Variants in FOXP1 observed in about 807,000 individuals in gnomAD.
The protein encoded by FOXP1 is forkhead box protein P1.
FOXP1 carries 15 observed loss-of-function variants against 98.2 expected under a neutral mutation model. The ratio of observed to expected loss-of-function variants is 0.15; its 90% confidence interval spans 0.10 to 0.24. The LOEUF is 0.24. Ranked by LOEUF, FOXP1 falls within the 10% of genes least tolerant of loss-of-function variation. The pLI, the probability that FOXP1 is intolerant of heterozygous loss-of-function variation, is 1.00. For synonymous variants in FOXP1, 371 were observed against 314.5 expected, an observed-to-expected ratio of 1.18 and a Z score of -1.90; for missense variants, 633 against 848.5, an observed-to-expected ratio of 0.75 and a Z score of 3.15.
At chr3:70,994,239 CT>C (rs2041047383) in intron 13 of FOXP1, among the ~76,000 whole-genome samples, 1 of 151,438 alleles carries the variant, frequency 6.6e-6, no homozygotes, top group Non-Finnish European at 1.5e-5. Flanking sequence ...CAATAGCTCT[CT>C]CCCACAGCTA....
chr3:71,281,900 C>T (rs1272058634), intron 5 of FOXP1, among the ~76,000 whole-genome samples: 1 of 150,260 alleles, frequency 6.7e-6, no homozygotes, highest in African/African-American at 2.5e-5. Context: ...AGTTCAAGAC[C>T]GGCCTGGCCA....
chr3:71,540,509 T>C (rs2044714110), intron 2 of FOXP1, among the ~76,000 whole-genome samples: 1 of 152,218 alleles, frequency 6.6e-6, no homozygotes, highest in Non-Finnish European at 1.5e-5. Flanking sequence ...GATAATCAAT[T>C]AAAATAATAA....
chr3:71,516,286 G>A (rs2042574208), intron 2 of FOXP1, among the ~76,000 whole-genome samples: 1 of 152,174 alleles, frequency 6.6e-6, no homozygotes, highest in Admixed American at 6.5e-5. Flanking sequence ...ATGCAAACGT[G>A]TGTGTGTGCA....
intron 7 of FOXP1, among the ~76,000 whole-genome samples, chr3:71,088,657 A>G (rs941604968): frequency 6.6e-6 from 1 of 152,194 alleles, no homozygotes; most frequent in Admixed American, 6.5e-5. Context: ...AGTCATTCCA[A>G]TGATGTCAAA....
intron 6 of FOXP1, among the ~76,000 whole-genome samples, chr3:71,197,337 A>G (rs1395235433): frequency 6.6e-6 from 1 of 152,176 alleles, no homozygotes; most frequent in Non-Finnish European, 1.5e-5. Flanking sequence ...ATATTTCCTG[A>G]TTCCGAGGAA....
chr3:71,575,490 A>G (rs1172716288), intron 2 of FOXP1, among the ~76,000 whole-genome samples: 1 of 152,114 alleles, frequency 6.6e-6, no homozygotes, highest in Non-Finnish European at 1.5e-5. Flanking sequence ...GAGGTAGGTG[A>G]GCGAGGACCT....
chr3:71,197,763 C>A, intron 6 of FOXP1: 1 of 970,376 alleles, frequency 1.0e-6, no homozygotes, highest in Non-Finnish European at 1.5e-6. Flanking sequence ...TTTATTTCAA[C>A]TCTCCTTACT....
At position 71,252,759 on chromosome 3, in the gene FOXP1, C is replaced by T. The variant is rs76136463; in HGVS notation, c.-12+47061G>A. 1.8e-3 allele frequency among the ~76,000 whole-genome samples: 270 copies of T among 152,324 alleles called. 1 individual carries two copies. Among genetic ancestry groups the T allele is most frequent in the African/African-American group, 6.3e-3 (260 of 41,574 alleles). On this transcript the variant is annotated intron_variant, in intron 5 of 20. Transcript: ENST00000649528. ...CTAGGCCAACAGCTGTTACAGAAAA[C>T]CTGGTCCCACAGTAGGGAAATGGTT...
intron 7 of FOXP1, among the ~76,000 whole-genome samples, chr3:71,094,469 A>G (rs1223031574): frequency 6.6e-6 from 1 of 152,024 alleles, no homozygotes; most frequent in East Asian, 1.9e-4. Context: ...GTTTCATGAA[A>G]TATTATTCGT....
intron 3 of FOXP1, among the ~76,000 whole-genome samples, chr3:71,388,976 G>A (rs1182544506): frequency 6.6e-6 from 1 of 152,004 alleles, no homozygotes; most frequent in African/African-American, 2.4e-5. Context: ...AAAAATGTCA[G>A]AGCTACTTTT....
chr3:71,524,376 G>GA (rs1369751347), intron 2 of FOXP1, among the ~76,000 whole-genome samples: 1 of 151,688 alleles, frequency 6.6e-6, no homozygotes, highest in Non-Finnish European at 1.5e-5. Context: ...AACAAACAAA[G>GA]AAAAAATAAA....
At chr3:71,366,678 T>C (rs535864245) in intron 3 of FOXP1, among the ~76,000 whole-genome samples, 1 of 152,354 alleles carries the variant, frequency 6.6e-6, no homozygotes, top group South Asian at 2.1e-4. Flanking sequence ...TCTACTCATT[T>C]ATTAATGGCT....
chr3:71,338,698 A>G lies in FOXP1; in HGVS notation c.-73+20452T>C, dbSNP rs573666966. ...CTCCCAAAGTGCTGGGATTACAGGC[A>G]TGAGACACTATGCCTGGCCAATATT... On this transcript the variant is annotated intron_variant, in intron 4 of 20. Transcript: ENST00000649528. Among the ~76,000 whole-genome samples, 33 of 152,296 alleles carry G rather than the reference A, an allele frequency of 2.2e-4. No individual in the cohort carries two copies. In the South Asian group the frequency reaches 6.6e-3, roughly 31 times the overall value.
In FOXP1 at chr3:71,304,283, A is replaced by C. The variant is rs561623784; in HGVS notation, c.-72-4403T>G. 3.9e-5 allele frequency among the ~76,000 whole-genome samples: 6 copies of C among 152,342 alleles called. No homozygotes were observed. The East Asian group carries it at 9.6e-4, about 24-fold the overall frequency. ...ATGACTCTCTCCTGCCTTACAGAAA[A>C]GGAAAACCCTGGCCGTGGTCATGTG... On this transcript the variant is annotated intron_variant, in intron 4 of 20. Transcript: ENST00000649528.
chr3:71,024,853 C>T (rs1190048847), intron 11 of FOXP1, among the ~76,000 whole-genome samples: 1 of 152,182 alleles, frequency 6.6e-6, no homozygotes, highest in Admixed American at 6.5e-5. Flanking sequence ...CATTTATGTC[C>T]AGACTTAGTT....
intron 4 of FOXP1, among the ~76,000 whole-genome samples, chr3:71,328,059 T>C (rs987995005): frequency 2.0e-5 from 3 of 152,096 alleles, no homozygotes; most frequent in Non-Finnish European, 4.4e-5. Context: ...TTGTTTTTCA[T>C]TGGTGAAATT....
chr3:71,342,549 C>T (rs753341309), intron 4 of FOXP1, among the ~76,000 whole-genome samples: 12 of 151,842 alleles, frequency 7.9e-5, no homozygotes, highest in Non-Finnish European at 1.6e-4. Flanking sequence ...AAAAATTAGC[C>T]GGTCGTGGTG....
intron 12 of FOXP1, among the ~76,000 whole-genome samples, chr3:71,007,423 G>C (rs1032513429): frequency 6.6e-6 from 1 of 152,108 alleles, no homozygotes; most frequent in African/African-American, 2.4e-5. Flanking sequence ...AGCCACAAAT[G>C]GGTTTGAAAC....
At chr3:71,027,227 G>C (rs1420670877) in intron 11 of FOXP1, among the ~76,000 whole-genome samples, 1 of 152,080 alleles carries the variant, frequency 6.6e-6, no homozygotes, top group East Asian at 1.9e-4. Context: ...CCATATGTTA[G>C]AGGAACCAAT....
Sources: allele counts gnomAD v4.1 joint callset (sites outside exome capture counted in the v4.1 genomes callset), GRCh38; gene constraint gnomAD v4.1.1; transcripts MANE v1.5; gene names NCBI Gene and HGNC (gene_info 2026-07-23, HGNC 2026-07-21).